The following CHRM3 variants were observed in gnomAD, a reference collection of about 807,000 sequenced individuals.
The protein encoded by CHRM3 is cholinergic receptor muscarinic 3, also known as muscarinic acetylcholine receptor M3.
Under a neutral mutation model 41.8 loss-of-function variants are expected in CHRM3, and 11 were observed. The ratio of observed to expected loss-of-function variants is 0.26; its 90% CI spans 0.17 to 0.44. The LOEUF (loss-of-function observed/expected upper bound fraction) is 0.44, where lower values mean the gene tolerates loss of function less well. Among genes scored for constraint, CHRM3 ranks in the 20% least tolerant of loss-of-function variants. The pLI is 1.00. For missense variants in CHRM3, 571 were observed against 745.4 expected (o/e 0.77, Z 2.72); for synonymous variants, 297 against 301.4 (o/e 0.99, Z 0.15).
At chr1:239,875,539 A>C (rs1677043577) in intron 6 of CHRM3, among the ~76,000 whole-genome samples, 1 of 152,232 alleles carries the variant, frequency 6.6e-6, no homozygotes, top group South Asian at 2.1e-4. Flanking sequence ...CTCAGCTCAC[A>C]GGCTGCACAA....
At chr1:239,757,641 A>G (rs544533113) in intron 5 of CHRM3, among the ~76,000 whole-genome samples, 25 of 152,028 alleles carry the variant, frequency 1.6e-4, no homozygotes, top group Non-Finnish European at 2.9e-4. Context: ...GAAAAAAAAA[A>G]AAAAGAAAAG....
intron 5 of CHRM3, among the ~76,000 whole-genome samples, chr1:239,780,545 A>C (rs551012463): frequency 5.3e-5 from 8 of 152,024 alleles, no homozygotes; most frequent in African/African-American, 1.9e-4. Context: ...TTTTGCAAAT[A>C]TTTTCTTCCA....
At chr1:239,834,451 GACTT>G (rs1429891508) in intron 6 of CHRM3, among the ~76,000 whole-genome samples, 5 of 151,522 alleles carry the variant, frequency 3.3e-5, no homozygotes, top group African/African-American at 1.2e-4. Context: ...CTTAATAGGG[GACTT>G]ACTTATTCTC....
intron 6 of CHRM3, among the ~76,000 whole-genome samples, chr1:239,857,640 A>G (rs969147288): frequency 3.9e-5 from 6 of 152,118 alleles, no homozygotes; most frequent in African/African-American, 1.4e-4. Context: ...AATTATTCTG[A>G]TTATTTAGCG....
intron 4 of CHRM3, among the ~76,000 whole-genome samples, chr1:239,646,577 G>A (rs1671757745): frequency 6.6e-6 from 1 of 152,130 alleles, no homozygotes; most frequent in South Asian, 2.1e-4. Flanking sequence ...CCTTCTATAA[G>A]AAGGTTATAT....
At chr1:239,833,913 G>A (rs2149111866) in intron 6 of CHRM3, among the ~76,000 whole-genome samples, 1 of 152,152 alleles carries the variant, frequency 6.6e-6, no homozygotes, top group African/African-American at 2.4e-5. Context: ...CTTCCTTCCT[G>A]CTCAATTTAA....
At chr1:239,850,115 C>T (rs1449406124) in intron 6 of CHRM3, among the ~76,000 whole-genome samples, 1 of 152,010 alleles carries the variant, frequency 6.6e-6, no homozygotes, top group Non-Finnish European at 1.5e-5. Flanking sequence ...GGAAGCCTAC[C>T]AGTAACATAA....
At chr1:239,830,466 G>A (rs1030369250) in intron 6 of CHRM3, among the ~76,000 whole-genome samples, 1 of 152,166 alleles carries the variant, frequency 6.6e-6, no homozygotes, top group Non-Finnish European at 1.5e-5. Context: ...CACTTTGGGA[G>A]GCCGAGGCGG....
intron 3 of CHRM3, among the ~76,000 whole-genome samples, chr1:239,620,310 C>T (rs1342492820): frequency 1.3e-5 from 2 of 152,130 alleles, no homozygotes; most frequent in African/African-American, 4.8e-5. Context: ...AACCTCAGAA[C>T]CTTGGCCAAA....
intron 3 of CHRM3, among the ~76,000 whole-genome samples, chr1:239,560,128 A>G (rs932315922): frequency 2.0e-5 from 3 of 152,242 alleles, no homozygotes; most frequent in Admixed American, 6.5e-5. Context: ...TTTGTGTTTG[A>G]TAAGTATTTT....
intron 4 of CHRM3, among the ~76,000 whole-genome samples, chr1:239,662,472 AGCACCCTAT>A (rs1303934825): frequency 1.3e-5 from 2 of 152,182 alleles, no homozygotes; most frequent in Non-Finnish European, 2.9e-5. Context: ...TTGGTATGGT[AGCACCCTAT>A]TCAAATTTTG....
At chr1:239,678,591 G>A (rs1420996783) in intron 5 of CHRM3, among the ~76,000 whole-genome samples, 2 of 152,068 alleles carry the variant, frequency 1.3e-5, no homozygotes, top group African/African-American at 4.8e-5. Flanking sequence ...GAAATCTATG[G>A]AAATCAAATG....
At chr1:239,702,130 A>G (rs1660740412) in intron 5 of CHRM3, among the ~76,000 whole-genome samples, 1 of 152,124 alleles carries the variant, frequency 6.6e-6, no homozygotes, top group Non-Finnish European at 1.5e-5. Flanking sequence ...CATTAAACAG[A>G]TGGTTGATGC....
At chr1:239,886,351 C>T (rs978591733) in intron 6 of CHRM3, 1 of 152,058 alleles carries the variant, frequency 6.6e-6, no homozygotes, top group Non-Finnish European at 1.5e-5. Context: ...GTTATGTGCA[C>T]TGAGGGTTTC....
chr1:239,574,695 A>G (rs1010053097), intron 3 of CHRM3, among the ~76,000 whole-genome samples: 72 of 152,058 alleles, frequency 4.7e-4, no homozygotes, highest in African/African-American at 1.6e-3. Flanking sequence ...CCTCCACCAT[A>G]TATTATGTTC....
rs913144600 is a variant in CHRM3, at chr1:239,515,034, G to A, written c.-422+22227G>A. Among the ~76,000 whole-genome samples, 13 of 151,972 alleles carry A rather than the reference G, an allele frequency of 8.6e-5. 1 individual carries two copies. Among genetic ancestry groups the A allele is most frequent in the African/African-American group, 2.4e-4 (10 of 41,376 alleles). ...ACACATTTTTGTCAGCACATATGTC[G>A]TATATTTTTGTAGAAATAACAGAAA... On this transcript the variant is annotated intron_variant, in intron 2 of 6. Transcript: ENST00000676153.
chr1:239,694,808 G>A (rs1461572676), intron 5 of CHRM3, among the ~76,000 whole-genome samples: 1 of 152,016 alleles, frequency 6.6e-6, no homozygotes, highest in Non-Finnish European at 1.5e-5. Flanking sequence ...ACAAAAATCA[G>A]TATCTTTTAT....
chr1:239,580,997 C>G (rs1662848675), intron 3 of CHRM3, among the ~76,000 whole-genome samples: 1 of 151,634 alleles, frequency 6.6e-6, no homozygotes, highest in Non-Finnish European at 1.5e-5. Context: ...GGAGATGGCT[C>G]TTGACATAAA....
chr1:239,825,334 C>T (rs1672369571), intron 5 of CHRM3, among the ~76,000 whole-genome samples: 1 of 152,180 alleles, frequency 6.6e-6, no homozygotes, highest in East Asian at 1.9e-4. Context: ...TGATTATATG[C>T]ACAATACACA....
Sources: gnomAD v4.1 joint callset for allele counts (sites outside exome capture counted in the v4.1 genomes callset) on GRCh38, gnomAD v4.1.1 for gene constraint, MANE v1.5 for transcripts, NCBI Gene and HGNC (gene_info 2026-07-23, HGNC 2026-07-21) for gene names.